ENPP6: variants seen among roughly 807,000 people sequenced by gnomAD.
The protein encoded by ENPP6 is glycerophosphocholine cholinephosphodiesterase ENPP6.
In ENPP6, 32 loss-of-function variants were observed where a neutral mutation model predicts 42.0. The observed-to-expected ratio is 0.76, with a 90% CI of 0.58 to 1.02. The LOEUF is 1.02. ENPP6 is among the 50% of genes least tolerant of loss of function. The probability of loss-of-function intolerance (pLI) is 0.00; values close to 1 mark genes in which losing one functional copy is unlikely to be tolerated. For missense variants in ENPP6, 552 were observed against 566.8 expected (o/e 0.97, Z 0.27); for synonymous variants, 213 against 216.0 (o/e 0.99, Z 0.12).
At chr4:184,096,540 A>G (rs1735903940) in intron 7 of ENPP6, among the ~76,000 whole-genome samples, 1 of 152,202 alleles carries the variant, frequency 6.6e-6, no homozygotes, top group African/African-American at 2.4e-5. Context: ...AGGTAGCAGT[A>G]AGATCTTCAG....
chr4:184,176,033 C>T (rs1342193187), intron 1 of ENPP6, among the ~76,000 whole-genome samples: 1 of 152,148 alleles, frequency 6.6e-6, no homozygotes, highest in Non-Finnish European at 1.5e-5. Flanking sequence ...AAGCAATCCT[C>T]CTGCCTCAGC....
chr4:184,168,331 T>G (rs951263725), intron 1 of ENPP6, among the ~76,000 whole-genome samples: 2 of 152,194 alleles, frequency 1.3e-5, no homozygotes, highest in Admixed American at 6.5e-5. Context: ...AAAAGGCCAC[T>G]TTTAAAAATG....
chr4:184,134,855 T>C (rs1039114281), intron 2 of ENPP6, among the ~76,000 whole-genome samples: 5 of 151,026 alleles, frequency 3.3e-5, no homozygotes, highest in Non-Finnish European at 5.9e-5. Context: ...TTAATTTCCT[T>C]TTAAGGATGG....
At chr4:184,131,140 A>ACTTTCTTTCTTTCTTTCTTTCT (rs1736605372) in intron 2 of ENPP6, among the ~76,000 whole-genome samples, 4 of 121,630 alleles carry the variant, frequency 3.3e-5, no homozygotes, top group Non-Finnish European at 5.1e-5. Context: ...ACCAGCACTT[A>ACTTTCTTTCTTTCTTTCTTTCT]CTTTCTTTCT....
intron 2 of ENPP6, among the ~76,000 whole-genome samples, chr4:184,136,204 T>C (rs569532400): frequency 6.6e-6 from 1 of 151,330 alleles, no homozygotes; most frequent in South Asian, 2.1e-4. Context: ...TATTAGTCTA[T>C]TAAATTTTAT....
intron 2 of ENPP6, among the ~76,000 whole-genome samples, chr4:184,140,728 C>T (rs1261032098): frequency 2.3e-5 from 3 of 127,734 alleles, no homozygotes; most frequent in African/African-American, 3.0e-5. Context: ...ACACCTTATA[C>T]AAAAATCAAT....
In ENPP6 at chr4:184,210,255, A is replaced by G. The variant is rs1406930025; in HGVS notation, c.241+7324T>C. ...ATAACAATATTAACTTTAAATGTAA[A>G]TGGACTAAATGCTCCAGTTAAAAGA... On this transcript the variant is annotated intron_variant, in intron 1 of 7. Transcript: ENST00000296741. Among the ~76,000 whole-genome samples, 4 of 149,284 alleles carry G rather than the reference A, an allele frequency of 2.7e-5. No individual in the cohort carries two copies. In the East Asian group the frequency reaches 7.8e-4, roughly 29 times the overall value.
At chr4:184,101,275 C>T (rs1421463594) in intron 6 of ENPP6, among the ~76,000 whole-genome samples, 2 of 148,958 alleles carry the variant, frequency 1.3e-5, no homozygotes, top group Admixed American at 6.7e-5. Flanking sequence ...CTGTGTTGCA[C>T]GTGTGTGTTA....
chr4:184,144,545 T>G (rs1736886517), intron 2 of ENPP6, among the ~76,000 whole-genome samples: 1 of 152,192 alleles, frequency 6.6e-6, no homozygotes, highest in Non-Finnish European at 1.5e-5. Context: ...GAGAGACCCC[T>G]CTTTCTGCAG....
rs186055932 is a variant in ENPP6 at position 184,142,164 on chromosome 4, C to T, written c.421+11390G>A. Among the ~76,000 whole-genome samples the T allele has an allele frequency of 1.2e-4, 18 of 152,318 alleles. No homozygotes were observed. The East Asian group carries it at 2.3e-3, about 20-fold the overall frequency. On this transcript the variant is annotated intron_variant, in intron 2 of 7. Coordinates refer to ENST00000296741, the MANE Select transcript of ENPP6 (RefSeq NM_153343.4). ...CTTCCTGGCAACTCTCTCCAAGGAC[C>T]GCCAAGTTGAGCCCATAAAAATTAC...
chr4:184,174,288 C>T (rs1207764398), intron 1 of ENPP6, among the ~76,000 whole-genome samples: 1 of 151,982 alleles, frequency 6.6e-6, no homozygotes, highest in East Asian at 1.9e-4. Flanking sequence ...CAGGTGCCCG[C>T]CACCACGCCT....
At chr4:184,206,785 G>A (rs1043711747) in intron 1 of ENPP6, among the ~76,000 whole-genome samples, 3 of 152,312 alleles carry the variant, frequency 2.0e-5, no homozygotes, top group East Asian at 1.9e-4. Flanking sequence ...ACAAAATGCC[G>A]TGGCACAAAT....
rs568875361 is a variant in ENPP6, at chr4:184,138,262, A to T, written c.422-13990T>A. Reference sequence around the variant, plus strand: ...AAGTTGTTCACATAAATAAATATATAGAAATAGAAGGAGTTTTTGTACCAA... The same window carrying T: ...AAGTTGTTCACATAAATAAATATATTGAAATAGAAGGAGTTTTTGTACCAA... On this transcript the variant is annotated intron_variant, in intron 2 of 7. Coordinates refer to ENST00000296741, the MANE Select transcript of ENPP6 (RefSeq NM_153343.4). Among the ~76,000 whole-genome samples, 14 of 152,364 alleles carry T rather than the reference A, an allele frequency of 9.2e-5. No individual in the cohort carries two copies. In the East Asian group the frequency reaches 2.7e-3, roughly 29 times the overall value.
chr4:184,096,110 G>A (rs2111328125), intron 7 of ENPP6, among the ~76,000 whole-genome samples: 1 of 152,306 alleles, frequency 6.6e-6, no homozygotes. Context: ...TGTGGAAAGG[G>A]ATTTGGACTA....
intron 6 of ENPP6, among the ~76,000 whole-genome samples, chr4:184,106,236 C>T (rs1172081437): frequency 1.3e-5 from 2 of 151,994 alleles, no homozygotes; most frequent in African/African-American, 4.8e-5. Context: ...GGTTTCATCA[C>T]GTTGGCCAGG....
intron 1 of ENPP6, among the ~76,000 whole-genome samples, chr4:184,183,039 T>C (rs1732580857): frequency 6.6e-6 from 1 of 152,206 alleles, no homozygotes; most frequent in Non-Finnish European, 1.5e-5. Flanking sequence ...GAATCTCATC[T>C]CTTTCCAACA....
intron 4 of ENPP6, among the ~76,000 whole-genome samples, chr4:184,117,510 G>C (rs1460567662): frequency 6.6e-6 from 1 of 152,376 alleles, no homozygotes; most frequent in East Asian, 1.9e-4. Context: ...ACAGAGCTGG[G>C]TGTCTCTCCA....
chr4:184,113,908 T>G (rs1209536304), intron 5 of ENPP6, among the ~76,000 whole-genome samples: 2 of 104,242 alleles, frequency 1.9e-5, no homozygotes, highest in East Asian at 5.2e-4. Context: ...CTTTTCTTTC[T>G]TTCTTTCTTT....
intron 7 of ENPP6, among the ~76,000 whole-genome samples, chr4:184,097,031 G>T (rs535609793): frequency 1.3e-4 from 20 of 152,312 alleles, no homozygotes; most frequent in African/African-American, 4.8e-4. Flanking sequence ...AAATTTACAA[G>T]GCAAAGTATT....
Sources: allele counts gnomAD v4.1 joint callset (sites outside exome capture counted in the v4.1 genomes callset), GRCh38; gene constraint gnomAD v4.1.1; transcripts MANE v1.5; gene names NCBI Gene and HGNC (gene_info 2026-07-23, HGNC 2026-07-21).